The following RGS12 variants were observed in gnomAD, a reference collection of about 807,000 sequenced individuals.
The protein encoded by RGS12 is regulator of G-protein signaling 12.
Under a neutral mutation model 120.1 loss-of-function variants are expected in RGS12, and 66 were observed. That is an observed-to-expected ratio of 0.55 (90% CI 0.45 to 0.67). The LOEUF is 0.67. Ranked by LOEUF, RGS12 falls within the 30% of genes least tolerant of loss-of-function variation. The pLI is 0.00. For synonymous variants in RGS12, 827 were observed against 804.7 expected (o/e 1.03, Z -0.47); for missense variants, 1,859 against 1,957.7 (o/e 0.95, Z 0.95).
rs1245326384 is a variant in RGS12 at position 3,430,570 on chromosome 4, G to A, written c.3729G>A (p.Lys1243=). The A allele has an allele frequency of 6.2e-7, 1 of 1,613,040 alleles. No homozygotes were observed. The highest frequency in any genetic ancestry group is 1.1e-5 in the South Asian group (1 of 91,084). Reference sequence around the variant, plus strand: ...CTGCTGTGGCCAAGGGCTTTAGCAAGAGAAGCGCCACAGGCAACGGCCGGG... The same window carrying A: ...CTGCTGTGGCCAAGGGCTTTAGCAAAAGAAGCGCCACAGGCAACGGCCGGG... ...TPAAVAKGFS[K]RSATGNGRES... is the part of the protein sequence containing the mutation. Residue 1243 remains lysine, a synonymous_variant, in exon 17 of 18, where the codon AAG becomes AAA. Coordinates refer to ENST00000336727, the MANE Select transcript of RGS12 (RefSeq NM_001394154.1).
At chr4:3,315,619 A>G (rs1343507680) in intron 1 of RGS12, among the ~76,000 whole-genome samples, 2 of 152,224 alleles carry the variant, frequency 1.3e-5, no homozygotes, top group African/African-American at 4.8e-5. Context: ...GGTGCCTTTG[A>G]ACCTGAAGCC....
chr4:3,384,869 G>A (rs557215678), intron 3 of RGS12, among the ~76,000 whole-genome samples: 184 of 152,308 alleles, frequency 1.2e-3, no homozygotes, highest in African/African-American at 3.9e-3. Flanking sequence ...AGTGGACCCC[G>A]GATGGCCAGG....
At chr4:3,322,160 G>A (rs1725246107) in intron 2 of RGS12, among the ~76,000 whole-genome samples, 1 of 152,200 alleles carries the variant, frequency 6.6e-6, no homozygotes, top group Non-Finnish European at 1.5e-5. Flanking sequence ...TTGTTGCTCG[G>A]CATTTCTACG....
chr4:3,385,005 A>T (rs545434806), intron 3 of RGS12: 1 of 152,510 alleles, frequency 6.6e-6, no homozygotes, highest in African/African-American at 2.4e-5. Flanking sequence ...GTTAAAACCC[A>T]TACAGTGTGT....
At position 3,372,028 on chromosome 4, in the gene RGS12, C is replaced by A. The variant is rs1440230908; in HGVS notation, c.1999-14388C>A. On this transcript the variant is annotated intron_variant, in intron 3 of 17. Transcript: ENST00000336727. This position sits in a 1 kb window ranked among gnomAD's most constrained non-coding sequence, Gnocchi z 4.3. ...TCGATGCCTGGTTCCCTGGCTTTGG[C>A]AGGCCGGGAAGATGCCCGTGCCTGT... Among the ~76,000 whole-genome samples the A allele has an allele frequency of 6.6e-6, 1 of 152,288 alleles. No homozygotes were observed. Among genetic ancestry groups the A allele is most frequent in the East Asian group, 1.9e-4 (1 of 5,182 alleles).
At chr4:3,298,600 C>T (rs952063154) in intron 1 of RGS12, among the ~76,000 whole-genome samples, 2 of 152,144 alleles carry the variant, frequency 1.3e-5, no homozygotes, top group Non-Finnish European at 2.9e-5. Flanking sequence ...CTGGTAGCTG[C>T]GTTGCTCCTT....
intron 3 of RGS12, among the ~76,000 whole-genome samples, chr4:3,382,848 T>C (rs890879531): frequency 2.0e-5 from 3 of 152,210 alleles, no homozygotes; most frequent in Non-Finnish European, 4.4e-5. Flanking sequence ...TGCACTGTGC[T>C]CGTGTTCTGC....
chr4:3,435,389 G>C (rs550337025), intron 17 of RGS12, among the ~76,000 whole-genome samples: 2 of 152,226 alleles, frequency 1.3e-5, no homozygotes, highest in South Asian at 2.1e-4. Context: ...AGCAGATGCA[G>C]CTTAGACCCC....
In RGS12 at chr4:3,318,058, C is replaced by T. The variant is rs773055125; in HGVS notation, c.1881+7C>T. The T allele has an allele frequency of 6.3e-7, 1 of 1,590,778 alleles. No homozygotes were observed. The highest frequency in any genetic ancestry group is 8.6e-7 in the Non-Finnish European group (1 of 1,166,942). ...GACTAAGGAAGATAAAAAGGTAAGCCTGCCAGGAGCCACTCAGCGCGGAGG... is the reference window on the plus strand; with the variant it reads ...GACTAAGGAAGATAAAAAGGTAAGCTTGCCAGGAGCCACTCAGCGCGGAGG... On this transcript the variant is annotated splice_region_variant and intron_variant, in intron 2 of 17. Transcript: ENST00000336727.
chr4:3,439,423 G>A, intron 17 of RGS12, 32 bp from the exon 18 acceptor site: 3 of 1,610,954 alleles, frequency 1.9e-6, no homozygotes, highest in South Asian at 1.1e-5. Context: ...GCCGGGCCAG[G>A]CAAGTGACAG....
chr4:3,302,828 G>A (rs894665334), intron 1 of RGS12, among the ~76,000 whole-genome samples: 2 of 152,126 alleles, frequency 1.3e-5, no homozygotes, highest in African/African-American at 4.8e-5. Flanking sequence ...CAGAGTCGTG[G>A]GGGGAGGAGA....
At position 3,342,889 on chromosome 4, in the gene RGS12, C is replaced by T. The variant is rs1255264631; in HGVS notation, c.1882-48C>T. Reference sequence around the variant, plus strand: ...ATGCCATGCATTGGACAAGACTAAACATCTCTTTGCAAAAGAATAACCTGA... The same window carrying T: ...ATGCCATGCATTGGACAAGACTAAATATCTCTTTGCAAAAGAATAACCTGA... On this transcript the variant is annotated intron_variant, in intron 2 of 17. Coordinates refer to ENST00000336727, the MANE Select transcript of RGS12 (RefSeq NM_001394154.1). 4 of 1,269,196 alleles carry T rather than the reference C, an allele frequency of 3.2e-6. No homozygotes were observed. In the African/African-American group the frequency reaches 5.9e-5, roughly 19 times the overall value. 78.6% of individuals were successfully genotyped at this position (1,269,196 alleles called of 1,614,324 possible).
chr4:3,309,316 G>A (rs1224166868), intron 1 of RGS12, among the ~76,000 whole-genome samples: 1 of 148,878 alleles, frequency 6.7e-6, no homozygotes. Context: ...CTGCTGAGGA[G>A]AACCGGGTGG....
At chr4:3,368,352 T>G (rs983187216) in intron 3 of RGS12, among the ~76,000 whole-genome samples, 3 of 150,788 alleles carry the variant, frequency 2.0e-5, no homozygotes, top group African/African-American at 7.3e-5. Flanking sequence ...TGTGTGTGTG[T>G]GCACCTGTGT....
At chr4:3,309,610 G>T (rs1258601960) in intron 1 of RGS12, among the ~76,000 whole-genome samples, 2 of 124,878 alleles carry the variant, frequency 1.6e-5, no homozygotes, top group African/African-American at 3.4e-5. Flanking sequence ...GCTGGGACCT[G>T]GGAATGGCAG....
In RGS12 at chr4:3,316,112, T is replaced by G. The variant is rs957832472; in HGVS notation, c.-59T>G. On this transcript the variant is annotated 5_prime_UTR_variant, in exon 2 of 18. Transcript: ENST00000336727. ...CAAACATGGTAGCATCAAGCATTCC[T>G]TGAAATATGGCTCCAAGGGAACAAT... 14 of 1,492,274 alleles carry G rather than the reference T, an allele frequency of 9.4e-6. No individual in the cohort carries two copies. Among genetic ancestry groups the G allele is most frequent in the African/African-American group, 1.4e-5 (1 of 71,136 alleles). 92.4% of individuals were successfully genotyped at this position (1,492,274 alleles called of 1,614,324 possible).
intron 4 of RGS12, 182 bp from the exon 5 acceptor site, chr4:3,413,890 C>T: frequency 1.6e-6 from 1 of 615,502 alleles, no homozygotes; most frequent in Non-Finnish European, 2.8e-6. Context: ...GTTCCCTGCT[C>T]CATCCCTGTG....
rs576960199 is a variant in RGS12 at position 3,303,491 on chromosome 4, G to GCTCTTTTGCTTCATGGA, written c.-102+10397_-102+10413dup. Among the ~76,000 whole-genome samples, 344 of 152,360 alleles carry GCTCTTTTGCTTCATGGA rather than the reference G, an allele frequency of 2.3e-3. 2 individuals are homozygous for GCTCTTTTGCTTCATGGA. The highest frequency in any genetic ancestry group is 7.9e-3 in the South Asian group (38 of 4,832). ...CTGTGCAGATACTCTGTCCCTGGAG[G>GCTCTTTTGCTTCATGGA]CTCTTTTGCTTCATGGACTCTGGGT... On this transcript the variant is annotated intron_variant, in intron 1 of 17. Transcript: ENST00000336727.
At chr4:3,295,031 G>C (rs1723291090) in intron 1 of RGS12, among the ~76,000 whole-genome samples, 1 of 152,160 alleles carries the variant, frequency 6.6e-6, no homozygotes, top group South Asian at 2.1e-4. Flanking sequence ...AGGGAATCCA[G>C]GGTCAAGGGC....
Sources: allele counts gnomAD v4.1 joint callset (sites outside exome capture counted in the v4.1 genomes callset), GRCh38; gene constraint gnomAD v4.1.1; non-coding constraint Gnocchi (gnomAD v3.1); transcripts MANE v1.5; gene names NCBI Gene and HGNC (gene_info 2026-07-23, HGNC 2026-07-21).